MAP4: variants seen among roughly 807,000 people sequenced by gnomAD.
The protein encoded by MAP4 is microtubule associated protein 4.
MAP4 carries 76 observed loss-of-function variants against 170.2 expected under a neutral mutation model. The observed-to-expected ratio is 0.45, with a 90% CI of 0.37 to 0.54. The LOEUF is 0.54. Ranked by LOEUF, MAP4 falls within the 20% of genes least tolerant of loss-of-function variation. The pLI is 0.00. For missense variants in MAP4, 2,506 were observed against 2,748.0 expected (o/e 0.91, Z 1.97); for synonymous variants, 909 against 994.5 (o/e 0.91, Z 1.62).
At chr3:47,903,220 A>AAAAAAC (rs2100031071) in intron 9 of MAP4, among the ~76,000 whole-genome samples, 1 of 152,126 alleles carries the variant, frequency 6.6e-6, no homozygotes, top group Non-Finnish European at 1.5e-5. Flanking sequence ...TTCCCTTCAC[A>AAAAAAC]AAAAACACAA....
Position 47,850,798 on chromosome 3 carries a change from C to T in MAP4, c.*2136G>A, listed in dbSNP as rs963492401. The T allele has an allele frequency of 6.6e-6, 1 of 152,484 alleles. No homozygotes were observed. Among genetic ancestry groups the T allele is most frequent in the Non-Finnish European group, 1.5e-5 (1 of 68,310 alleles). 9.4% of individuals were successfully genotyped at this position (152,484 alleles called of 1,614,324 possible). ...TGAGCCATAAGCAAATCGAGAAGTA[C>T]AGAAATGTCCCACCCCAAACAGCTG... is the stretch of plus-strand genomic sequence containing the variant. On this transcript the variant is annotated 3_prime_UTR_variant, in exon 21 of 21. Transcript: ENST00000683076.
intron 3 of MAP4, among the ~76,000 whole-genome samples, chr3:47,947,357 C>T (rs1274821413): frequency 3.9e-5 from 6 of 152,154 alleles, no homozygotes; most frequent in Non-Finnish European, 8.8e-5. Context: ...TACCCCAAGG[C>T]AGCAGAGCCA....
intron 18 of MAP4, among the ~76,000 whole-genome samples, chr3:47,856,453 G>GTT (rs1305780327): frequency 6.8e-6 from 1 of 147,358 alleles, no homozygotes. Context: ...GGGAAAGGGA[G>GTT]TTTTTTTTTT....
intron 1 of MAP4, among the ~76,000 whole-genome samples, chr3:48,088,451 C>T (rs1021530013): frequency 1.8e-4 from 27 of 152,192 alleles, no homozygotes; most frequent in Non-Finnish European, 3.4e-4. Flanking sequence ...GACCCTCGCT[C>T]CGCGGCTCAG....
At chr3:48,028,057 C>A (rs2100114021) in intron 1 of MAP4, among the ~76,000 whole-genome samples, 2 of 151,720 alleles carry the variant, frequency 1.3e-5, no homozygotes, top group Admixed American at 1.3e-4. Context: ...TTTGGGAGGC[C>A]AAGGTGGGCA....
intron 1 of MAP4, among the ~76,000 whole-genome samples, chr3:48,077,047 T>G (rs927460312): frequency 5.9e-5 from 9 of 152,094 alleles, no homozygotes; most frequent in African/African-American, 1.9e-4. Context: ...TCCAGAAGGC[T>G]GAGGTGGAAG....
intron 1 of MAP4, among the ~76,000 whole-genome samples, chr3:48,054,358 G>A (rs990166868): frequency 3.3e-5 from 5 of 151,898 alleles, no homozygotes; most frequent in African/African-American, 1.2e-4. Flanking sequence ...AGGCACGGTG[G>A]CTCACGCCTG....
chr3:47,933,932 A>C (rs989517906), intron 3 of MAP4, among the ~76,000 whole-genome samples: 1 of 152,106 alleles, frequency 6.6e-6, no homozygotes, highest in African/African-American at 2.4e-5. Flanking sequence ...GCATTTCAAC[A>C]CAAGTAGGTT....
At chr3:48,012,651 A>AC (rs1446145281) in intron 1 of MAP4, among the ~76,000 whole-genome samples, 4 of 151,060 alleles carry the variant, frequency 2.6e-5, no homozygotes, top group Non-Finnish European at 5.9e-5. Flanking sequence ...AACCCTCAGC[A>AC]CCCCCACCCC....
At chr3:47,894,769 T>C (rs900081377) in intron 10 of MAP4, among the ~76,000 whole-genome samples, 7 of 152,002 alleles carry the variant, frequency 4.6e-5, no homozygotes, top group African/African-American at 1.7e-4. Context: ...CTCACACCTG[T>C]AATCCCAGCA....
chr3:47,932,956 G>A (rs1476444543), intron 3 of MAP4, among the ~76,000 whole-genome samples: 1 of 152,038 alleles, frequency 6.6e-6, no homozygotes, highest in African/African-American at 2.4e-5. Context: ...AGGCTGGAGT[G>A]CAGTGGCACG....
intron 1 of MAP4, among the ~76,000 whole-genome samples, chr3:48,041,866 C>T (rs1211414300): frequency 6.6e-6 from 1 of 152,116 alleles, no homozygotes. Flanking sequence ...TAACATACTA[C>T]AGAAAGCTAT....
intron 10 of MAP4, among the ~76,000 whole-genome samples, chr3:47,884,175 G>A (rs944692199): frequency 6.6e-6 from 1 of 152,064 alleles, no homozygotes; most frequent in African/African-American, 2.4e-5. Context: ...TTTTTTCCTT[G>A]TAGACCATTT....
At chr3:48,050,446 A>G (rs1264341569) in intron 1 of MAP4, among the ~76,000 whole-genome samples, 4 of 152,058 alleles carry the variant, frequency 2.6e-5, no homozygotes, top group Non-Finnish European at 5.9e-5. Context: ...AGAAATCCAA[A>G]TAATAAATGT....
At chr3:47,963,631 G>A (rs1041458988) in intron 3 of MAP4, among the ~76,000 whole-genome samples, 3 of 152,186 alleles carry the variant, frequency 2.0e-5, no homozygotes, top group Non-Finnish European at 4.4e-5. Context: ...GAAACAAATA[G>A]ATATTAAAGA....
chr3:48,007,933 A>AT (rs2100103282), intron 1 of MAP4, among the ~76,000 whole-genome samples: 1 of 152,066 alleles, frequency 6.6e-6, no homozygotes, highest in Admixed American at 6.6e-5. Flanking sequence ...AGCCTCCCAA[A>AT]GTGCTGATTA....
chr3:47,928,291 T>G lies in MAP4; in HGVS notation c.352A>C (p.Asn118His), dbSNP rs1486318807. ...MAYQEYPNSQNWPEDTNFCFQ... is the reference protein window; with the variant it reads ...MAYQEYPNSQHWPEDTNFCFQ... ...CAAAAGTTGGTATCTTCTGGCCAGT[T>G]CTGGCTATTTGGGTATTCCTGGTAG... The change falls in exon 4 of 21, where the codon AAC becomes CAC. Residue 118 changes from asparagine to histidine, a missense_variant. Asn to His is a moderately conservative substitution (Grantham distance 68). This residue lies in a region of MAP4 where 2,008 missense variants were observed against 2,206.0 expected (regional missense o/e 0.91). Coordinates refer to ENST00000683076, the MANE Select transcript of MAP4 (RefSeq NM_001385682.1). The G allele has an allele frequency of 6.2e-7, 1 of 1,614,204 alleles. No individual in the cohort carries two copies. Among genetic ancestry groups the G allele is most frequent in the East Asian group, 2.2e-5 (1 of 44,884 alleles).
chr3:47,959,127 T>C (rs1015202026), intron 3 of MAP4, among the ~76,000 whole-genome samples: 9 of 151,248 alleles, frequency 6.0e-5, no homozygotes, highest in Non-Finnish European at 1.3e-4. Context: ...AAAGGCAGTT[T>C]AAGAAAATTT....
intron 1 of MAP4, among the ~76,000 whole-genome samples, chr3:48,048,495 ATC>A (rs984255644): frequency 3.5e-5 from 5 of 144,120 alleles, no homozygotes; most frequent in African/African-American, 1.3e-4. Flanking sequence ...GTAGATCCAG[ATC>A]TCAATTATCT....
Sources: gnomAD v4.1 joint callset for allele counts (sites outside exome capture counted in the v4.1 genomes callset) on GRCh38, gnomAD v4.1.1 for gene constraint, gnomAD v4.1.1 regional missense constraint, MANE v1.5 for transcripts, NCBI Gene and HGNC (gene_info 2026-07-23, HGNC 2026-07-21) for gene names.